The following PCYT2 variants were observed in gnomAD, a reference collection of about 807,000 sequenced individuals.
The protein encoded by PCYT2 is phosphate cytidylyltransferase 2, ethanolamine, also known as ethanolamine-phosphate cytidylyltransferase.
PCYT2 carries 33 observed loss-of-function variants against 50.0 expected under a neutral mutation model. That is an observed-to-expected ratio of 0.66 (90% CI 0.50 to 0.88). The LOEUF (loss-of-function observed/expected upper bound fraction) is 0.88. Ranked by LOEUF, PCYT2 falls within the 40% of genes least tolerant of loss-of-function variation. PCYT2 has a pLI of 0.00. For synonymous variants in PCYT2, 240 were observed against 203.7 expected, an observed-to-expected ratio of 1.18 and a Z score of -1.52; for missense variants, 430 against 519.7, an observed-to-expected ratio of 0.83 and a Z score of 1.68.
In PCYT2 at chr17:81,902,412, C is replaced by G; in HGVS notation, c.*2421G>C. ...TGGGCCGCGCCGCGGGGCTGCTGTC[C>G]GGCCTCCGCAGGTCCCCGTACGCGC... is the stretch of plus-strand genomic sequence containing the variant. On this transcript the variant is annotated 3_prime_UTR_variant, in exon 13 of 13. Transcript: ENST00000538936. The G allele has an allele frequency of 7.4e-7, 1 of 1,347,848 alleles. No homozygotes were observed. The highest frequency in any genetic ancestry group is 1.9e-5 in the South Asian group (1 of 53,526). 83.5% of individuals were successfully genotyped at this position (1,347,848 alleles called of 1,614,324 possible). A position where few individuals can be genotyped will look rare whatever the true frequency, so the allele number is the denominator to read the frequency against.
At position 81,902,537 on chromosome 17, in the gene PCYT2, CGTGCCGGG is replaced by C. The variant is rs763644299; in HGVS notation, c.*2288_*2295del. 9 of 1,464,738 alleles carry C rather than the reference CGTGCCGGG, an allele frequency of 6.1e-6. 1 individual carries two copies. The South Asian group carries it at 1.0e-4, about 17-fold the overall frequency. The allele number at this position is 1,464,738 out of a possible 1,614,324, so 90.7% of individuals were successfully genotyped here. A position where few individuals can be genotyped will look rare whatever the true frequency, so the allele number is the denominator to read the frequency against. On this transcript the variant is annotated 3_prime_UTR_variant, in exon 13 of 13. Transcript: ENST00000538936. Reference sequence around the variant, plus strand: ...AGGCTGCGGAGCCTCGTGAGTCCGGCGTGCCGGGGACTGATGGGGGGCGGCGGCAGGAC... The same window carrying C: ...AGGCTGCGGAGCCTCGTGAGTCCGGCGACTGATGGGGGGCGGCGGCAGGAC...
intron 11 of PCYT2, 36 bp from the exon 12 acceptor site, chr17:81,905,190 C>T: frequency 1.3e-6 from 2 of 1,549,962 alleles, no homozygotes; most frequent in African/African-American, 1.4e-5. Flanking sequence ...GATGAAGGTC[C>T]CTGCTGACCT....
Position 81,903,178 on chromosome 17 carries a change from A to C in PCYT2, c.*1655T>G, listed in dbSNP as rs573155019. 11 of 184,288 alleles carry C rather than the reference A, an allele frequency of 6.0e-5. No individual in the cohort carries two copies. The highest frequency in any genetic ancestry group is 1.1e-4 in the Non-Finnish European group (10 of 90,090). 11.4% of individuals were successfully genotyped at this position (184,288 alleles called of 1,614,324 possible). On this transcript the variant is annotated 3_prime_UTR_variant, in exon 13 of 13. Coordinates refer to ENST00000538936, the MANE Select transcript of PCYT2 (RefSeq NM_002861.5). Reference sequence around the variant, plus strand: ...CCAGCCCTTCGCTCCCCAACTCGAGAGCCAAATCTGTGAGGGCATGGGCTG... The same window carrying C: ...CCAGCCCTTCGCTCCCCAACTCGAGCGCCAAATCTGTGAGGGCATGGGCTG...
Position 81,909,568 on chromosome 17 carries a change from G to A in PCYT2, c.124C>T (p.Leu42=). 1 of 1,613,788 alleles carries A rather than the reference G, an allele frequency of 6.2e-7. No individual in the cohort carries two copies. The highest frequency in any genetic ancestry group is 1.1e-5 in the South Asian group (1 of 91,088). The change falls in exon 2 of 13, where the codon CTG becomes TTG. Residue 42 remains leucine, a synonymous_variant. Transcript: ENST00000538936. The part of the protein sequence containing the change: ...DMVHYGHSNQ[L]RQARAMGDYL... ...TCACCCATGGCCCGTGCCTGGCGCA[G>A]CTGGTTGGAGTGGCCGTAATGCACC...
In PCYT2 at chr17:81,902,203, C is replaced by A. The variant is rs1202381551; in HGVS notation, c.*2630G>T. 3 of 1,191,782 alleles carry A rather than the reference C, an allele frequency of 2.5e-6. No individual in the cohort carries two copies. The highest frequency in any genetic ancestry group is 4.2e-5 in the South Asian group (1 of 23,676). 73.8% of individuals were successfully genotyped at this position (1,191,782 alleles called of 1,614,324 possible). A position where few individuals can be genotyped will look rare whatever the true frequency, so the allele number is the denominator to read the frequency against. On this transcript the variant is annotated 3_prime_UTR_variant, in exon 13 of 13. Transcript: ENST00000538936. The stretch of plus-strand genomic sequence containing the variant: ...CTCCGCAGCCTCGGCCCGCCCTCGC[C>A]GCAGATATAAGGCGGCCCAGGCGGT...
At position 81,902,683 on chromosome 17, in the gene PCYT2, G is replaced by C. The variant is rs2040004896; in HGVS notation, c.*2150C>G. The C allele has an allele frequency of 6.2e-7, 1 of 1,608,424 alleles. No individual in the cohort carries two copies. Among genetic ancestry groups the C allele is most frequent in the Admixed American group, 1.7e-5 (1 of 59,842 alleles). On this transcript the variant is annotated 3_prime_UTR_variant, in exon 13 of 13. Coordinates refer to ENST00000538936, the MANE Select transcript of PCYT2 (RefSeq NM_002861.5). ...GTGCGAGCGGCTCCCCGACGGCCGC[G>C]GGACCTACCAGTGCAAGGCGAACGT...
intron 1 of PCYT2, 142 bp from the exon 2 acceptor site, chr17:81,909,744 G>T: frequency 1.5e-6 from 1 of 654,894 alleles, no homozygotes; most frequent in Admixed American, 2.2e-5. Flanking sequence ...CTGGGACTGG[G>T]ATTCGGAGGA....
Position 81,905,390 on chromosome 17 carries a change from G to C in PCYT2, c.961C>G (p.Pro321Ala), listed in dbSNP as rs2040199969. 6.4e-7 allele frequency: 1 copy of C among 1,559,168 alleles called. No homozygotes were observed. Among genetic ancestry groups the C allele is most frequent in the Non-Finnish European group, 8.7e-7 (1 of 1,151,576 alleles). The change falls in exon 11 of 13, where the codon CCA becomes GCA. Residue 321 changes from proline (P) to alanine (A), a missense_variant. Coordinates refer to ENST00000538936, the MANE Select transcript of PCYT2 (RefSeq NM_002861.5). ...EIIPDRDGSD[P>A]YQEPKRRGIF... is the part of the protein sequence containing the mutation. Reference sequence around the variant, plus strand: ...GGGCCAGCATGACCCACCTGGTATGGGTCGGAGCCATCCCTGTCAGGGATA... The same window carrying C: ...GGGCCAGCATGACCCACCTGGTATGCGTCGGAGCCATCCCTGTCAGGGATA...
intron 8 of PCYT2, 126 bp downstream of exon 8, chr17:81,906,338 C>A (rs966506948): frequency 7.9e-6 from 9 of 1,143,694 alleles, no homozygotes; most frequent in Non-Finnish European, 5.1e-6. Context: ...ACGATCACCC[C>A]CCAGGGTCTC....
chr17:81,908,898 G>A lies in PCYT2; in HGVS notation c.318C>T (p.Asn106=). ...VTTLETLDKY[N]CDFCVHGNDI... is the part of the protein sequence containing the mutation. The stretch of plus-strand genomic sequence containing the variant: ...CACTGCCGTGAACACAGAAGTCACA[G>A]TTGTATTTGTCCAGGGTCTCTAGTG... Residue 106 remains asparagine, a synonymous_variant, in exon 3 of 13, where the codon AAC becomes AAT. Coordinates refer to ENST00000538936, the MANE Select transcript of PCYT2 (RefSeq NM_002861.5). 6.2e-7 allele frequency: 1 copy of A among 1,613,924 alleles called. No individual in the cohort carries two copies. The highest frequency in any genetic ancestry group is 1.3e-5 in the African/African-American group (1 of 75,060).
intron 1 of PCYT2, chr17:81,910,845 G>A: frequency 1.0e-6 from 1 of 979,814 alleles, no homozygotes; most frequent in Non-Finnish European, 1.2e-6. Context: ...GGAGGACCCG[G>A]GAGCCCGCGG....
At chr17:81,904,966 A>G in intron 12 of PCYT2, 22 bp from the exon 13 acceptor site, 1 of 1,605,012 alleles carries the variant, frequency 6.2e-7, no homozygotes, top group Non-Finnish European at 8.5e-7. Context: ...GGGTAAGTCT[A>G]GCAGAGAGCG....
chr17:81,906,272 G>T (rs1007223543), intron 8 of PCYT2, 95 bp from the exon 9 acceptor site: 2 of 1,247,176 alleles, frequency 1.6e-6, no homozygotes, highest in South Asian at 1.4e-5. Flanking sequence ...AGTCGGGGAG[G>T]TTGCTCGCCC....
intron 2 of PCYT2, 186 bp downstream of exon 2, chr17:81,909,328 C>T (rs2040450981): frequency 9.8e-6 from 14 of 1,433,156 alleles, no homozygotes; most frequent in Non-Finnish European, 3.7e-6. Context: ...TTAGCTGGGA[C>T]AGGAAATGCA....
intron 3 of PCYT2, 24 bp downstream of exon 3, chr17:81,908,852 C>T (rs2040424725): frequency 6.2e-7 from 1 of 1,600,966 alleles, no homozygotes; most frequent in Non-Finnish European, 8.5e-7. Context: ...CCCCAGGCCC[C>T]CAGGTCCCAG....
At position 81,904,011 on chromosome 17, in the gene PCYT2, C is replaced by G. The variant is rs2040098044; in HGVS notation, c.*822G>C. The G allele has an allele frequency of 6.6e-6, 1 of 152,222 alleles. No individual in the cohort carries two copies. The highest frequency in any genetic ancestry group is 1.5e-5 in the Non-Finnish European group (1 of 68,052). The allele number at this position is 152,222 out of a possible 1,614,324, so 9.4% of individuals were successfully genotyped here. A position where few individuals can be genotyped will look rare whatever the true frequency, so the allele number is the denominator to read the frequency against. ...AGAGATCCCATGGCCCCTGGAGGGG[C>G]CAAGGGGCAAGGAGCCTCAGCTCTG... On this transcript the variant is annotated 3_prime_UTR_variant, in exon 13 of 13. Transcript: ENST00000538936.
rs958218449 is a variant in PCYT2 at position 81,907,450 on chromosome 17, G to A, written c.537+104C>T. 1.2e-4 allele frequency: 158 copies of A among 1,312,686 alleles called. 3 individuals are homozygous for A. Among genetic ancestry groups the A allele is most frequent in the South Asian group, 1.1e-3 (85 of 78,998 alleles). 81.3% of individuals were successfully genotyped at this position (1,312,686 alleles called of 1,614,324 possible). A position where few individuals can be genotyped will look rare whatever the true frequency, so the allele number is the denominator to read the frequency against. ...TCAGTGCCAGGGACAGAGGGAGGAGGGTGAGGCTCTGGGCTGGCCTTTCCC... is the reference window on the plus strand; with the variant it reads ...TCAGTGCCAGGGACAGAGGGAGGAGAGTGAGGCTCTGGGCTGGCCTTTCCC... On this transcript the variant is annotated intron_variant, in intron 6 of 12. Transcript: ENST00000538936.
In PCYT2 at chr17:81,908,553, G is replaced by T; in HGVS notation, c.407+15C>A. Reference sequence around the variant, plus strand: ...TCCAGCTCCCTGGATGGCCAGGCCCGCGGTGGAGACTCACCTGTACCTCCC... The same window carrying T: ...TCCAGCTCCCTGGATGGCCAGGCCCTCGGTGGAGACTCACCTGTACCTCCC... On this transcript the variant is annotated intron_variant, in intron 4 of 12. Coordinates refer to ENST00000538936, the MANE Select transcript of PCYT2 (RefSeq NM_002861.5). 1.2e-6 allele frequency: 2 copies of T among 1,605,434 alleles called. No individual in the cohort carries two copies. The highest frequency in any genetic ancestry group is 1.7e-6 in the Non-Finnish European group (2 of 1,172,790).
chr17:81,904,836 G>A lies in PCYT2; in HGVS notation c.1167C>T (p.Phe389=), dbSNP rs1407611716. The A allele has an allele frequency of 6.2e-7, 1 of 1,604,472 alleles. No individual in the cohort carries two copies. The highest frequency in any genetic ancestry group is 1.1e-5 in the South Asian group (1 of 90,640). Residue 389 remains phenylalanine, a synonymous_variant, in exon 13 of 13, where the codon TTC becomes TTT. Coordinates refer to ENST00000538936, the MANE Select transcript of PCYT2 (RefSeq NM_002861.5). ...AQPLGERDGD[F] Reference sequence around the variant, plus strand: ...GCCGGCCAGGGCCTCTGCCAGGTTAGAAGTCACCATCGCGCTCCCCCAGGG... The same window carrying A: ...GCCGGCCAGGGCCTCTGCCAGGTTAAAAGTCACCATCGCGCTCCCCCAGGG...
Sources: gnomAD v4.1 joint callset for allele counts on GRCh38, gnomAD v4.1.1 for gene constraint, MANE v1.5 for transcripts, NCBI Gene and HGNC (gene_info 2026-07-23, HGNC 2026-07-21) for gene names.